Variants in B9D1 observed in about 807,000 individuals in gnomAD.
B9D1 encodes B9 domain-containing protein 1.
In B9D1, 20 loss-of-function variants were observed where a neutral mutation model predicts 26.1. The observed-to-expected ratio is 0.77, with a 90% CI of 0.54 to 1.12. B9D1 has a LOEUF of 1.12. Among genes scored for constraint, B9D1 ranks in the 50% most tolerant of loss-of-function variants. B9D1 has a pLI of 0.00. For missense variants in B9D1, 260 were observed against 273.7 expected (o/e 0.95, Z 0.35); for synonymous variants, 105 against 103.1 (o/e 1.02, Z -0.11).
chr17:19,369,915 C>T (rs73306281), intron 1 of B9D1, among the ~76,000 whole-genome samples: 302 of 152,250 alleles, frequency 2.0e-3, no homozygotes, highest in African/African-American at 6.6e-3. Context: ...CCTAGTGCCC[C>T]GCCAAACATG....
At chr17:19,337,595 G>A, downstream of B9D1, 1 of 884,638 alleles carries the variant, frequency 1.1e-6, no homozygotes. Context: ...AGAGAAAGAA[G>A]GGTGTGTGGG....
At chr17:19,371,235 T>C in intron 1 of B9D1, 1 of 152,596 alleles carries the variant, frequency 6.6e-6, no homozygotes, top group Non-Finnish European at 1.5e-5. Flanking sequence ...GTACCTAGCA[T>C]GTATGTCCCA....
chr17:19,343,355 C>G lies in B9D1; in HGVS notation c.579G>C (p.Val193=). The G allele has an allele frequency of 6.2e-7, 1 of 1,614,164 alleles. No individual in the cohort carries two copies. The highest frequency in any genetic ancestry group is 8.5e-7 in the Non-Finnish European group (1 of 1,180,024). The stretch of plus-strand genomic sequence containing the variant: ...AGCTCTGGGGTGGGCTGGGCCCCAA[C>G]ACACCCTGTGTATCAGAAGGCCCAG... ...YDTGPSDTQG[V]LGPSPPQSFP... Residue 193 remains valine (V), a synonymous_variant, in exon 7 of 7, where the codon GTG becomes GTC. Transcript: ENST00000261499.
At position 19,343,193 on chromosome 17, in the gene B9D1, T is replaced by C. The variant is rs948410736; in HGVS notation, c.*126A>G. 1.9e-5 allele frequency: 28 copies of C among 1,507,994 alleles called. No individual in the cohort carries two copies. Among genetic ancestry groups the C allele is most frequent in the Non-Finnish European group, 2.4e-5 (27 of 1,135,328 alleles). The allele number at this position is 1,507,994 out of a possible 1,614,324, so 93.4% of individuals were successfully genotyped here. ...CCTAGGCTCTCTGAAAATGAGACTT[T>C]ATTATACAAAACTATTCTGTGTGCC... On this transcript the variant is annotated 3_prime_UTR_variant, in exon 7 of 7. Coordinates refer to ENST00000261499, the MANE Select transcript of B9D1 (RefSeq NM_015681.6).
chr17:19,356,787 C>T (rs1910414677), intron 3 of B9D1, among the ~76,000 whole-genome samples: 1 of 152,234 alleles, frequency 6.6e-6, no homozygotes, highest in Non-Finnish European at 1.5e-5. Context: ...TTTGCTAGCT[C>T]TCTGATGCCT....
chr17:19,340,296 G>A (rs546605030), downstream of B9D1, among the ~76,000 whole-genome samples: 8 of 151,814 alleles, frequency 5.3e-5, no homozygotes, highest in East Asian at 1.4e-3. Flanking sequence ...TCAGCCTCCC[G>A]AGTAGCTGGG....
chr17:19,358,250 CATCCCCACCCTCACCTGAGT>C (rs1380454282), intron 2 of B9D1, among the ~76,000 whole-genome samples: 4 of 152,200 alleles, frequency 2.6e-5, no homozygotes, highest in Admixed American at 2.0e-4. Context: ...CACTCTCCTG[CATCCCCACCCTCACCTGAGT>C]ATCCCCATCC....
downstream of B9D1, among the ~76,000 whole-genome samples, chr17:19,337,159 G>C (rs1487302981): frequency 6.6e-6 from 1 of 152,230 alleles, no homozygotes; most frequent in Non-Finnish European, 1.5e-5. Flanking sequence ...ACAGAGGGAG[G>C]GAGTGCGTGG....
chr17:19,343,523 C>G (rs769720182), intron 6 of B9D1, 62 bp from the exon 7 acceptor site: 1 of 1,610,596 alleles, frequency 6.2e-7, no homozygotes, highest in Admixed American at 1.7e-5. Context: ...CCAGGTTGAT[C>G]TGGGAATCTC....
At chr17:19,360,702 G>T (rs934504362) in intron 1 of B9D1, among the ~76,000 whole-genome samples, 14 of 152,286 alleles carry the variant, frequency 9.2e-5, no homozygotes, top group Admixed American at 3.3e-4. Context: ...TCTCAAGCTG[G>T]TTTAAGGTCT....
intron 3 of B9D1, among the ~76,000 whole-genome samples, chr17:19,353,456 G>A (rs1343515760): frequency 1.3e-5 from 2 of 150,690 alleles, no homozygotes; most frequent in African/African-American, 2.4e-5. Flanking sequence ...GGCCAACATG[G>A]TGAAACCCCA....
downstream of B9D1, chr17:19,341,118 T>G (rs192707942): frequency 8.2e-7 from 1 of 1,226,994 alleles, no homozygotes. Flanking sequence ...TTGAGAAAAA[T>G]TGGAAAATTA....
At chr17:19,377,822 G>A (rs1912223975) in intron 1 of B9D1, 6 of 985,002 alleles carry the variant, frequency 6.1e-6, no homozygotes, top group African/African-American at 1.7e-5. Flanking sequence ...CAAAGCACGG[G>A]AATCGCGGGA....
chr17:19,337,606 ATGCT>A, downstream of B9D1: 1 of 1,000,728 alleles, frequency 1.0e-6, no homozygotes, highest in South Asian at 1.4e-5. Context: ...GGTGTGTGGG[ATGCT>A]CTTGGTTACG....
chr17:19,341,885 T>G (rs755124474), downstream of B9D1, among the ~76,000 whole-genome samples: 3 of 152,066 alleles, frequency 2.0e-5, no homozygotes, highest in Non-Finnish European at 4.4e-5. Context: ...GGGCTGATGG[T>G]TGGCGAAAAG....
In B9D1 at chr17:19,347,075, C is replaced by G. The variant is rs571251853; in HGVS notation, c.404+194G>C. 8.4e-6 allele frequency: 13 copies of G among 1,552,882 alleles called. No homozygotes were observed. Among genetic ancestry groups the G allele is most frequent in the South Asian group, 8.3e-5 (7 of 84,530 alleles). On this transcript the variant is annotated intron_variant, in intron 5 of 6. Coordinates refer to ENST00000261499, the MANE Select transcript of B9D1 (RefSeq NM_015681.6). The surrounding 1 kb of genome is among the most constrained non-coding windows in gnomAD (Gnocchi z 4.3). ...CAGGGCACAGGGTAAAATCGCCCGG[C>G]CTTCTGCTGCTGGAACAGGGCTGAA...
rs927619361 is a variant in B9D1, at chr17:19,350,498, G to A, written c.245-2618C>T. Reference sequence around the variant, plus strand: ...GCAGAGGTTGCAGTGAGCTGAGATCGTGCCACTGCACTCCAGCCTGGGAGA... The same window carrying A: ...GCAGAGGTTGCAGTGAGCTGAGATCATGCCACTGCACTCCAGCCTGGGAGA... On this transcript the variant is annotated intron_variant, in intron 3 of 6. Coordinates refer to ENST00000261499, the MANE Select transcript of B9D1 (RefSeq NM_015681.6). 6.7e-5 allele frequency among the ~76,000 whole-genome samples: 10 copies of A among 149,908 alleles called. 1 individual carries two copies. The South Asian group carries it at 8.6e-4, about 13-fold the overall frequency.
chr17:19,367,233 G>A (rs72838809), upstream of B9D1, among the ~76,000 whole-genome samples: 1,101 of 151,980 alleles, frequency 7.2e-3, 6 homozygotes, highest in Non-Finnish European at 9.8e-3. Context: ...TTTGGCCTCT[G>A]CACCTGCACA....
intron 1 of B9D1, among the ~76,000 whole-genome samples, chr17:19,361,621 C>T (rs997052304): frequency 1.3e-5 from 2 of 151,982 alleles, no homozygotes; most frequent in Non-Finnish European, 2.9e-5. Flanking sequence ...AAGGCAGAGG[C>T]GGACAGGGTG....
Sources: allele counts gnomAD v4.1 joint callset (sites outside exome capture counted in the v4.1 genomes callset), GRCh38; gene constraint gnomAD v4.1.1; non-coding constraint Gnocchi (gnomAD v3.1); transcripts MANE v1.5; gene names NCBI Gene and HGNC (gene_info 2026-07-23, HGNC 2026-07-21).